The following TCF4 variants were observed in gnomAD, a reference collection of about 807,000 sequenced individuals.
TCF4 encodes the protein SL3-3 enhancer factor 2.
TCF4 carries 3 observed loss-of-function variants against 82.1 expected under a neutral mutation model. The ratio of observed to expected loss-of-function variants is 0.04; its 90% CI spans 0.02 to 0.09. TCF4 has a LOEUF of 0.09. Ranked by LOEUF, TCF4 falls within the 10% of genes least tolerant of loss-of-function variation. The probability of loss-of-function intolerance (pLI) is 1.00; values close to 1 mark genes in which losing one functional copy is unlikely to be tolerated. For synonymous variants in TCF4, 276 were observed against 309.6 expected, an observed-to-expected ratio of 0.89 and a Z score of 1.14; for missense variants, 518 against 852.7, an observed-to-expected ratio of 0.61 and a Z score of 4.89.
At chr18:55,536,790 G>C (rs190243165) in intron 3 of TCF4, among the ~76,000 whole-genome samples, 1 of 152,156 alleles carries the variant, frequency 6.6e-6, no homozygotes, top group African/African-American at 2.4e-5. Context: ...AACAAATTTT[G>C]TATGTATGTA....
intron 3 of TCF4, among the ~76,000 whole-genome samples, chr18:55,544,349 G>A (rs1045147029): frequency 1.3e-5 from 2 of 152,076 alleles, no homozygotes; most frequent in East Asian, 1.9e-4. Context: ...AACATACTAG[G>A]GGGCTGAGTA....
At chr18:55,430,790 C>A (rs764435660) in intron 5 of TCF4, among the ~76,000 whole-genome samples, 2 of 152,114 alleles carry the variant, frequency 1.3e-5, no homozygotes, top group Non-Finnish European at 2.9e-5. Flanking sequence ...AGATGCCAAA[C>A]TGCCTTGGAA....
At chr18:55,570,372 G>C (rs1415771446) in intron 3 of TCF4, among the ~76,000 whole-genome samples, 1 of 152,078 alleles carries the variant, frequency 6.6e-6, no homozygotes, top group South Asian at 2.1e-4. Flanking sequence ...CTACCATAGA[G>C]AGAGTAAAAG....
At chr18:55,397,554 A>C (rs960908812) in intron 6 of TCF4, among the ~76,000 whole-genome samples, 7 of 152,182 alleles carry the variant, frequency 4.6e-5, no homozygotes, top group African/African-American at 1.7e-4. Flanking sequence ...AAAGAATACA[A>C]ATAGAGGAAC....
rs972395029 is a variant in TCF4 at position 55,448,178 on chromosome 18, T to C, written c.304+12841A>G. Among the ~76,000 whole-genome samples, 6 of 152,358 alleles carry C rather than the reference T, an allele frequency of 3.9e-5. No homozygotes were observed. In the East Asian group the frequency reaches 1.2e-3, roughly 29 times the overall value. On this transcript the variant is annotated intron_variant, in intron 5 of 19. Transcript: ENST00000354452. ...AAATGTCACCTAATCACAGTGACCA[T>C]GGAAAATAATATTTGTTATAAAAAC...
At chr18:55,606,733 T>C (rs2097702502) in intron 2 of TCF4, among the ~76,000 whole-genome samples, 1 of 152,132 alleles carries the variant, frequency 6.6e-6, no homozygotes, top group Non-Finnish European at 1.5e-5. Context: ...CTGATGAAAA[T>C]CGTATTTATT....
At chr18:55,608,369 ATTTTTTTTT>A (rs746413576) in intron 2 of TCF4, among the ~76,000 whole-genome samples, 8 of 117,272 alleles carry the variant, frequency 6.8e-5, no homozygotes, top group Middle Eastern at 4.0e-3. Context: ...TTGCCACAGT[ATTTTTTTTT>A]TTTTTTTTTT....
At chr18:55,555,258 C>T (rs1316591397) in intron 3 of TCF4, among the ~76,000 whole-genome samples, 1 of 152,130 alleles carries the variant, frequency 6.6e-6, no homozygotes, top group African/African-American at 2.4e-5. Flanking sequence ...TCTCATACTA[C>T]AAATTCAAAC....
intron 3 of TCF4, among the ~76,000 whole-genome samples, chr18:55,538,095 G>T (rs2097135202): frequency 6.7e-6 from 1 of 150,100 alleles, no homozygotes; most frequent in South Asian, 2.1e-4. Context: ...AGAGAAAAAG[G>T]GCAAAGGTGT....
At chr18:55,527,584 C>T (rs144381944) in intron 3 of TCF4, among the ~76,000 whole-genome samples, 267 of 152,088 alleles carry the variant, frequency 1.8e-3, no homozygotes, top group Non-Finnish European at 3.4e-3. Flanking sequence ...ACAAAATGCA[C>T]GAGGTATTTT....
rs2046822790 is a variant in TCF4, at chr18:55,228,014, A to G, written c.*21T>C. 2 of 576,368 alleles carry G rather than the reference A, an allele frequency of 3.5e-6. No homozygotes were observed. Among genetic ancestry groups the G allele is most frequent in the Non-Finnish European group, 6.0e-6 (2 of 333,928 alleles). 35.7% of individuals were successfully genotyped at this position (576,368 alleles called of 1,614,324 possible). On this transcript the variant is annotated 3_prime_UTR_variant, in exon 20 of 20. Coordinates refer to ENST00000354452, the MANE Select transcript of TCF4 (RefSeq NM_001083962.2). Reference sequence around the variant, plus strand: ...AAGTGGTCTCTTGTTTTAATGAAGCAATGTGGCAACTTGGACCTGAGAAAG... The same window carrying G: ...AAGTGGTCTCTTGTTTTAATGAAGCGATGTGGCAACTTGGACCTGAGAAAG...
chr18:55,250,822 A>G (rs185573988), intron 15 of TCF4, among the ~76,000 whole-genome samples: 3 of 152,374 alleles, frequency 2.0e-5, no homozygotes, highest in East Asian at 1.9e-4. Context: ...AGGCAGAGTC[A>G]TATCTATAAA....
chr18:55,261,572 G>C (rs757302143), intron 11 of TCF4, 39 bp from the exon 12 acceptor site: 1 of 1,610,918 alleles, frequency 6.2e-7, no homozygotes, highest in East Asian at 2.2e-5. Flanking sequence ...ACCAGGCAGT[G>C]AGACGTCTAA....
At chr18:55,497,700 T>C (rs999752873) in intron 3 of TCF4, among the ~76,000 whole-genome samples, 8 of 152,176 alleles carry the variant, frequency 5.3e-5, no homozygotes, top group Non-Finnish European at 7.3e-5. Context: ...TATTAAAACA[T>C]TAATTATTTA....
intron 6 of TCF4, among the ~76,000 whole-genome samples, chr18:55,393,801 G>T (rs1308870636): frequency 1.3e-5 from 2 of 152,198 alleles, no homozygotes; most frequent in African/African-American, 4.8e-5. Context: ...CATATTTAGT[G>T]ATTTGTAATG....
At chr18:55,415,062 T>A (rs1016973289) in intron 5 of TCF4, among the ~76,000 whole-genome samples, 1 of 152,140 alleles carries the variant, frequency 6.6e-6, no homozygotes, top group Non-Finnish European at 1.5e-5. Context: ...GACTTATCTA[T>A]CCCCTTTTAA....
chr18:55,502,094 TACTA>T (rs2096708526), intron 3 of TCF4, among the ~76,000 whole-genome samples: 2 of 152,236 alleles, frequency 1.3e-5, no homozygotes, highest in Admixed American at 1.3e-4. Flanking sequence ...AAGGTAGATA[TACTA>T]ACTATGACAG....
chr18:55,411,621 G>T (rs1193201035), intron 5 of TCF4, among the ~76,000 whole-genome samples: 1 of 152,158 alleles, frequency 6.6e-6, no homozygotes, highest in Non-Finnish European at 1.5e-5. Context: ...TCAATTCATG[G>T]CTAAGAAACC....
chr18:55,488,637 A>G (rs936137132), intron 3 of TCF4, among the ~76,000 whole-genome samples: 4 of 152,142 alleles, frequency 2.6e-5, no homozygotes, highest in South Asian at 2.1e-4. Flanking sequence ...AATGATTCCA[A>G]TCCTGCATCC....
Sources: allele counts gnomAD v4.1 joint callset (sites outside exome capture counted in the v4.1 genomes callset), GRCh38; gene constraint gnomAD v4.1.1; transcripts MANE v1.5; gene names NCBI Gene and HGNC (gene_info 2026-07-23, HGNC 2026-07-21).